ANKRD36C: variants seen among roughly 807,000 people sequenced by gnomAD.
ANKRD36C encodes ankyrin repeat domain-containing protein 36C.
ANKRD36C carries 61 observed loss-of-function variants against 276.4 expected under a neutral mutation model. That is an observed-to-expected ratio of 0.22 (90% CI 0.18 to 0.27). The LOEUF is 0.27. Ranked by LOEUF, ANKRD36C falls within the 10% of genes least tolerant of loss-of-function variation. ANKRD36C has a pLI of 1.00. For missense variants in ANKRD36C, 1,447 were observed against 2,032.3 expected (o/e 0.71, Z 5.54); for synonymous variants, 483 against 680.1 (o/e 0.71, Z 4.51).
intron 60 of ANKRD36C, among the ~76,000 whole-genome samples, chr2:95,864,698 T>A (rs948712708): frequency 1.3e-5 from 2 of 152,106 alleles, no homozygotes; most frequent in African/African-American, 4.8e-5. Flanking sequence ...TAAGCTTTTA[T>A]TGGAACACAG....
At chr2:95,879,554 C>T (rs1305926279) in intron 58 of ANKRD36C, among the ~76,000 whole-genome samples, 5 of 151,926 alleles carry the variant, frequency 3.3e-5, no homozygotes, top group South Asian at 2.1e-4. Flanking sequence ...ACTATCTCAT[C>T]TACTCCATAA....
rs764777859 is a variant in ANKRD36C at position 95,893,646 on chromosome 2, T to C, written c.2756-1786A>G. 34 of 1,594,502 alleles carry C rather than the reference T, an allele frequency of 2.1e-5. No homozygotes were observed. In the East Asian group the frequency reaches 7.6e-4, roughly 36 times the overall value. On this transcript the variant is annotated intron_variant, in intron 44 of 66. Coordinates refer to ENST00000456556, the Ensembl canonical transcript of ANKRD36C. ...AATGAAATAATAAATAAAATATGTTTCATAGACCATACATTAACTCGTTCA... is the reference window on the plus strand; with the variant it reads ...AATGAAATAATAAATAAAATATGTTCCATAGACCATACATTAACTCGTTCA...
At chr2:95,861,853 T>A (rs1675592803) in intron 60 of ANKRD36C, among the ~76,000 whole-genome samples, 1 of 152,038 alleles carries the variant, frequency 6.6e-6, no homozygotes, top group Non-Finnish European at 1.5e-5. Flanking sequence ...AGAAAAGCAC[T>A]TTAAATGTAA....
chr2:95,981,467 ATATAT>A (rs1357384297), intron 4 of ANKRD36C, among the ~76,000 whole-genome samples: 1 of 147,756 alleles, frequency 6.8e-6, no homozygotes, highest in Non-Finnish European at 1.5e-5. Context: ...TATATATTGT[ATATAT>A]TATATGATAT....
intron 6 of ANKRD36C, among the ~76,000 whole-genome samples, chr2:95,964,243 G>A (rs1192008855): frequency 1.3e-5 from 2 of 149,594 alleles, no homozygotes; most frequent in African/African-American, 4.9e-5. Context: ...TGATGTGAAC[G>A]AAGCACATAT....
At chr2:95,988,989 G>A (rs933572025) in intron 1 of ANKRD36C, among the ~76,000 whole-genome samples, 1 of 152,114 alleles carries the variant, frequency 6.6e-6, no homozygotes, top group Non-Finnish European at 1.5e-5. Context: ...CCAACATGGT[G>A]AAACCCCGTC....
At chr2:95,898,095 C>G (rs527338167) in intron 44 of ANKRD36C, among the ~76,000 whole-genome samples, 2 of 148,918 alleles carry the variant, frequency 1.3e-5, no homozygotes, top group African/African-American at 4.9e-5. Context: ...ACTAGTTTAG[C>G]CTTCCGAAAG....
chr2:95,950,636 T>C, intron 16 of ANKRD36C, 113 bp downstream of exon 16: 2 of 1,278,650 alleles, frequency 1.6e-6, no homozygotes, highest in Non-Finnish European at 2.1e-6. Flanking sequence ...ATGACAAATG[T>C]TAAGCATGTA....
At chr2:95,931,047 T>G (rs1381665737) in intron 24 of ANKRD36C, among the ~76,000 whole-genome samples, 1 of 151,716 alleles carries the variant, frequency 6.6e-6, no homozygotes, top group African/African-American at 2.4e-5. Flanking sequence ...CATACATTCT[T>G]TTTTGTTCAT....
intron 36 of ANKRD36C, 66 bp from the exon 39 acceptor site, chr2:95,916,237 A>C: frequency 6.3e-7 from 1 of 1,592,854 alleles, no homozygotes; most frequent in Non-Finnish European, 8.5e-7. Flanking sequence ...ATACATTCAC[A>C]CAGTGTTAGC....
In ANKRD36C at chr2:95,991,450, A is replaced by C. The variant is rs1428307186; in HGVS notation, c.197+62T>G. On this transcript the variant is annotated intron_variant, in intron 1 of 66. Transcript: ENST00000456556. ...TCCGCCCCGCAGCCCTCAGCCTGGA[A>C]AGGGGTACTTCTCCACATCCACAGG... The C allele has an allele frequency of 5.2e-6, 8 of 1,529,678 alleles. No individual in the cohort carries two copies. In the Admixed American group the frequency reaches 1.0e-4, roughly 20 times the overall value. The allele number at this position is 1,529,678 out of a possible 1,614,324, so 94.8% of individuals were successfully genotyped here. A position where few individuals can be genotyped will look rare whatever the true frequency, so the allele number is the denominator to read the frequency against.
chr2:95,961,268 T>C (rs1457226561), intron 8 of ANKRD36C, among the ~76,000 whole-genome samples: 2 of 152,076 alleles, frequency 1.3e-5, no homozygotes, highest in Non-Finnish European at 2.9e-5. Flanking sequence ...GGAGTCATAA[T>C]GTGCCTACAT....
chr2:95,991,721 C>T, exon 1 of ANKRD36C: 2 of 1,610,884 alleles, frequency 1.2e-6, no homozygotes, highest in Non-Finnish European at 1.7e-6. Flanking sequence ...TGGTCGGCTG[C>T]AAATTGTAGC....
chr2:95,919,850 A>G, intron 34 of ANKRD36C, 42 bp downstream of exon 35: 1 of 1,534,088 alleles, frequency 6.5e-7, no homozygotes, highest in South Asian at 1.1e-5. Context: ...AAATCAATGA[A>G]GTATGTGTCA....
chr2:95,934,363 T>C (rs1677654979), intron 24 of ANKRD36C, among the ~76,000 whole-genome samples: 1 of 151,970 alleles, frequency 6.6e-6, no homozygotes, highest in African/African-American at 2.4e-5. Flanking sequence ...CGAATGCCCA[T>C]CAGTGATAGA....
downstream of ANKRD36C, among the ~76,000 whole-genome samples, chr2:95,849,489 G>T (rs1272647378): frequency 6.6e-6 from 1 of 152,214 alleles, no homozygotes; most frequent in African/African-American, 2.4e-5. Flanking sequence ...TTTTGTGAAA[G>T]ATAATTTTTC....
At chr2:95,857,478 T>C (rs565977431) in exon 62 of ANKRD36C, 84 of 1,543,914 alleles carry the variant, frequency 5.4e-5, no homozygotes, top group Non-Finnish European at 6.9e-5. Context: ...CTTTTTTTCT[T>C]GCTGTATGGC....
At chr2:95,949,884 C>T (rs1678152746) in intron 16 of ANKRD36C, among the ~76,000 whole-genome samples, 1 of 152,312 alleles carries the variant, frequency 6.6e-6, no homozygotes, top group South Asian at 2.1e-4. Flanking sequence ...TATTTAGCTG[C>T]CTTAAATGAA....
intron 12 of ANKRD36C, among the ~76,000 whole-genome samples, chr2:95,958,184 T>C (rs1678374905): frequency 6.6e-6 from 1 of 152,080 alleles, no homozygotes; most frequent in Non-Finnish European, 1.5e-5. Context: ...TCTCGTTCTA[T>C]AGTTTTTATG....
Sources: gnomAD v4.1 joint callset for allele counts (sites outside exome capture counted in the v4.1 genomes callset) on GRCh38, gnomAD v4.1.1 for gene constraint, MANE v1.5 for transcripts, NCBI Gene and HGNC (gene_info 2026-07-23, HGNC 2026-07-21) for gene names.